The following NOL4 variants were observed in gnomAD, a reference collection of about 807,000 sequenced individuals.
NOL4 encodes the protein cancer/testis antigen 125.
In NOL4, 17 loss-of-function variants were observed where a neutral mutation model predicts 75.9. That is an observed-to-expected ratio of 0.22 (90% CI 0.15 to 0.34). The LOEUF (loss-of-function observed/expected upper bound fraction) is 0.34. Ranked by LOEUF, NOL4 falls within the 10% of genes least tolerant of loss-of-function variation. The probability of loss-of-function intolerance (pLI) is 1.00; values close to 1 mark genes in which losing one functional copy is unlikely to be tolerated. For missense variants in NOL4, 614 were observed against 793.5 expected (o/e 0.77, Z 2.72); for synonymous variants, 292 against 289.9 (o/e 1.01, Z -0.07).
chr18:34,163,934 C>A (rs2031930897), intron 1 of NOL4, among the ~76,000 whole-genome samples: 1 of 152,082 alleles, frequency 6.6e-6, no homozygotes, highest in Non-Finnish European at 1.5e-5. Context: ...AGAAATAATG[C>A]CGCTTATCTA....
intron 9 of NOL4, among the ~76,000 whole-genome samples, chr18:33,901,657 G>A (rs1350921657): frequency 6.6e-6 from 1 of 151,926 alleles, no homozygotes; most frequent in Non-Finnish European, 1.5e-5. Flanking sequence ...ATTAATATCT[G>A]ATAGATTATT....
At chr18:34,184,247 A>G (rs1452434160) in intron 1 of NOL4, among the ~76,000 whole-genome samples, 2 of 151,828 alleles carry the variant, frequency 1.3e-5, no homozygotes, top group South Asian at 2.1e-4. Context: ...CCTAAATAAG[A>G]TAATTATTTA....
At chr18:33,935,862 C>T (rs1160827787) in intron 9 of NOL4, among the ~76,000 whole-genome samples, 2 of 151,994 alleles carry the variant, frequency 1.3e-5, no homozygotes, top group Non-Finnish European at 1.5e-5. Context: ...ACAGGGTTTT[C>T]CCCCTAACAT....
intron 2 of NOL4, among the ~76,000 whole-genome samples, chr18:34,110,064 A>G (rs2079510768): frequency 7.1e-6 from 1 of 141,412 alleles, no homozygotes; most frequent in East Asian, 2.2e-4. Context: ...GGTAAATTCT[A>G]CCAAACATTC....
intron 5 of NOL4, among the ~76,000 whole-genome samples, chr18:34,023,108 A>G (rs1047250361): frequency 1.3e-5 from 2 of 152,222 alleles, no homozygotes; most frequent in African/African-American, 4.8e-5. Flanking sequence ...TGATTTACTC[A>G]TTTGTATCAA....
At chr18:34,201,068 A>G (rs919373204) in intron 1 of NOL4, among the ~76,000 whole-genome samples, 2 of 151,816 alleles carry the variant, frequency 1.3e-5, no homozygotes, top group Admixed American at 6.6e-5. Flanking sequence ...ACACACAAAG[A>G]AAAAGAGAGG....
At chr18:33,914,369 G>A (rs1378099323) in intron 9 of NOL4, among the ~76,000 whole-genome samples, 1 of 152,010 alleles carries the variant, frequency 6.6e-6, no homozygotes. Flanking sequence ...AGGAGAGGAG[G>A]TGAGAGAAGG....
At chr18:34,216,559 C>T (rs1343193504) in intron 1 of NOL4, among the ~76,000 whole-genome samples, 1 of 150,884 alleles carries the variant, frequency 6.6e-6, no homozygotes, top group African/African-American at 2.4e-5. Flanking sequence ...AATGAAATTA[C>T]ATAATTTAAC....
chr18:33,974,485 C>A (rs1278331712), intron 6 of NOL4, among the ~76,000 whole-genome samples: 1 of 152,074 alleles, frequency 6.6e-6, no homozygotes, highest in African/African-American at 2.4e-5. Context: ...GATGGGGGAA[C>A]AGCCAGTCAT....
At chr18:33,884,316 G>T (rs892305554) in intron 9 of NOL4, among the ~76,000 whole-genome samples, 2 of 151,806 alleles carry the variant, frequency 1.3e-5, no homozygotes, top group Admixed American at 1.3e-4. Context: ...CAAAATTTGA[G>T]TGCCGACTCC....
At chr18:33,995,649 AT>A (rs2073227554) in intron 6 of NOL4, among the ~76,000 whole-genome samples, 1 of 151,750 alleles carries the variant, frequency 6.6e-6, no homozygotes, top group Non-Finnish European at 1.5e-5. Flanking sequence ...ACATCAAAGT[AT>A]TTTCTAACTT....
chr18:33,857,970 G>A (rs1033011022), intron 10 of NOL4, among the ~76,000 whole-genome samples: 1 of 151,972 alleles, frequency 6.6e-6, no homozygotes, highest in Non-Finnish European at 1.5e-5. Flanking sequence ...ACTATTCATA[G>A]AGGCTAATTA....
chr18:33,986,034 T>C (rs565147757), intron 6 of NOL4, among the ~76,000 whole-genome samples: 2 of 152,174 alleles, frequency 1.3e-5, no homozygotes, highest in South Asian at 4.1e-4. Context: ...TTTATGAAAA[T>C]AAAATGATTT....
rs187776226 is a variant in NOL4, at chr18:33,919,205, C to T, written c.1542+23860G>A. 3.0e-4 allele frequency among the ~76,000 whole-genome samples: 45 copies of T among 152,248 alleles called. 1 individual carries two copies. Among genetic ancestry groups the T allele is most frequent in the Admixed American group, 2.8e-3 (43 of 15,294 alleles). ...CCCTGTTGCCATTGCTATAGCACAG[C>T]TCCCGGCACTCTTAAGTTGATCTAA... On this transcript the variant is annotated intron_variant, in intron 9 of 10. Transcript: ENST00000261592.
Position 34,022,049 on chromosome 18 carries a change from A to G in NOL4, c.773-2448T>C, listed in dbSNP as rs1031074788. ...AACCTGGGAGGCAGAGGTTGCAGTG[A>G]GCTGAAATCGCGCCATTGCACTCCA... On this transcript the variant is annotated intron_variant, in intron 5 of 10. Coordinates refer to ENST00000261592, the MANE Select transcript of NOL4 (RefSeq NM_003787.5). Among the ~76,000 whole-genome samples the G allele has an allele frequency of 1.8e-4, 28 of 152,094 alleles. 1 individual carries two copies. Among genetic ancestry groups the G allele is most frequent in the Middle Eastern group, 6.8e-3 (2 of 294 alleles).
chr18:33,916,706 T>A (rs2066741705), intron 9 of NOL4, among the ~76,000 whole-genome samples: 1 of 152,204 alleles, frequency 6.6e-6, no homozygotes, highest in Non-Finnish European at 1.5e-5. Flanking sequence ...AACAAAACGT[T>A]GTATAATAAT....
chr18:33,942,305 A>G (rs1407452380), intron 9 of NOL4, among the ~76,000 whole-genome samples: 1 of 151,936 alleles, frequency 6.6e-6, no homozygotes, highest in African/African-American at 2.4e-5. Context: ...TATTTAGTAT[A>G]TCATGTGATA....
chr18:34,015,715 G>A lies in NOL4; in HGVS notation c.1056+3603C>T, dbSNP rs139160031. The stretch of plus-strand genomic sequence containing the variant: ...TCTCCATCCTGTACCTTTCTTCAGA[G>A]CTGACACATGTCCCCCGAATGCCTA... On this transcript the variant is annotated intron_variant, in intron 6 of 10. Coordinates refer to ENST00000261592, the MANE Select transcript of NOL4 (RefSeq NM_003787.5). Among the ~76,000 whole-genome samples the A allele has an allele frequency of 5.1e-4, 78 of 152,144 alleles. No homozygotes were observed. The East Asian group carries it at 0.014, about 27-fold the overall frequency.
intron 5 of NOL4, among the ~76,000 whole-genome samples, chr18:34,059,323 T>A (rs774742070): frequency 6.6e-6 from 1 of 151,948 alleles, no homozygotes; most frequent in African/African-American, 2.4e-5. Context: ...CTCACTCTCA[T>A]ATTAAATAAC....
Sources: gnomAD v4.1 joint callset for allele counts (sites outside exome capture counted in the v4.1 genomes callset) on GRCh38, gnomAD v4.1.1 for gene constraint, MANE v1.5 for transcripts, NCBI Gene and HGNC (gene_info 2026-07-23, HGNC 2026-07-21) for gene names.